Variants in NDUFB5 observed in about 807,000 individuals in gnomAD.
The protein encoded by NDUFB5 is NADH dehydrogenase [ubiquinone] 1 beta subcomplex subunit 5, mitochondrial.
Under a neutral mutation model 19.4 loss-of-function variants are expected in NDUFB5, and 19 were observed. The ratio of observed to expected loss-of-function variants is 0.98; its 90% confidence interval spans 0.68 to 1.43. The LOEUF is 1.43. NDUFB5 is among the 40% of genes most tolerant of loss of function. NDUFB5 has a pLI of 0.00. For missense variants in NDUFB5, 233 were observed against 236.5 expected (o/e 0.99, Z 0.10); for synonymous variants, 80 against 82.6 (o/e 0.97, Z 0.17).
rs1719683014 is a variant in NDUFB5, at chr3:179,626,792, A to G, written c.*2752A>G. ...GTGATCCACCCACCTTGGTCTCCCA[A>G]AGTGCTGGGATTACAGGTGTGAGCC... On this transcript the variant is annotated 3_prime_UTR_variant, in exon 6 of 6. Coordinates refer to ENST00000259037, the MANE Select transcript of NDUFB5 (RefSeq NM_002492.4). The G allele has an allele frequency of 2.6e-5, 4 of 152,114 alleles. No individual in the cohort carries two copies. Among genetic ancestry groups the G allele is most frequent in the African/African-American group, 9.7e-5 (4 of 41,394 alleles). 9.4% of individuals were successfully genotyped at this position (152,114 alleles called of 1,614,324 possible).
chr3:179,618,792 A>G (rs1019510794), intron 5 of NDUFB5, among the ~76,000 whole-genome samples: 4 of 152,082 alleles, frequency 2.6e-5, no homozygotes, highest in Non-Finnish European at 5.9e-5. Flanking sequence ...CAGAGGTTGC[A>G]GTGAGCCAAG....
At chr3:179,620,600 C>G (rs1443548889) in intron 5 of NDUFB5, among the ~76,000 whole-genome samples, 6 of 152,206 alleles carry the variant, frequency 3.9e-5, no homozygotes, top group East Asian at 3.9e-4. Context: ...GTTACTGTAG[C>G]CTTGTAGTAT....
rs750458055 is a variant in NDUFB5 at position 179,624,572 on chromosome 3, T to TATACACACACACACACACACACACAC, written c.*533_*534insTACACACACACACACACACACACACA. ...AACTACACACAGACACACAGACACG[T>TATACACACACACACACACACACACAC]ACACACACACACACACACACACACA... On this transcript the variant is annotated 3_prime_UTR_variant, in exon 6 of 6. Coordinates refer to ENST00000259037, the MANE Select transcript of NDUFB5 (RefSeq NM_002492.4). 1.2e-4 allele frequency: 15 copies of TATACACACACACACACACACACACAC among 128,388 alleles called. No individual in the cohort carries two copies. Among genetic ancestry groups the TATACACACACACACACACACACACAC allele is most frequent in the African/African-American group, 4.4e-4 (14 of 31,534 alleles). 8.0% of individuals were successfully genotyped at this position (128,388 alleles called of 1,614,324 possible).
At chr3:179,619,329 T>C (rs902390921) in intron 5 of NDUFB5, among the ~76,000 whole-genome samples, 6 of 151,792 alleles carry the variant, frequency 4.0e-5, no homozygotes, top group African/African-American at 1.2e-4. Flanking sequence ...TAGGTATATC[T>C]CCTAATGCTA....
In NDUFB5 at chr3:179,624,795, C is replaced by CTTTTTTTT. The variant is rs56727188; in HGVS notation, c.*769_*776dup. The CTTTTTTTT allele has an allele frequency of 2.1e-5, 2 of 97,270 alleles. No individual in the cohort carries two copies. The highest frequency in any genetic ancestry group is 4.3e-5 in the Non-Finnish European group (2 of 46,014). 6.0% of individuals were successfully genotyped at this position (97,270 alleles called of 1,614,324 possible). A position where few individuals can be genotyped will look rare whatever the true frequency, so the allele number is the denominator to read the frequency against. Reference sequence around the variant, plus strand: ...GCATTTTTTAACATTATTTTCTTTTCTTTTTTTTTTTTTTTTTTTTTGACG... The same window carrying CTTTTTTTT: ...GCATTTTTTAACATTATTTTCTTTTCTTTTTTTTTTTTTTTTTTTTTTTTTTTTTGACG... On this transcript the variant is annotated 3_prime_UTR_variant, in exon 6 of 6. Transcript: ENST00000259037.
In NDUFB5 at chr3:179,615,005, A is replaced by T; in HGVS notation, c.159A>T (p.Arg53Ser). ...PVRHSGDHGK[R>S]LFVIRPSRFY... The stretch of plus-strand genomic sequence containing the variant: ...GACACAGTGGAGACCATGGGAAAAG[A>T]CTATTTGTCATCAGACCTTCTAGAT... The change falls in exon 2 of 6, where the codon AGA (arginine) becomes AGT (serine). Residue 53 changes from arginine to serine, a missense_variant. Coordinates refer to ENST00000259037, the MANE Select transcript of NDUFB5 (RefSeq NM_002492.4). 2 of 1,610,316 alleles carry T rather than the reference A, an allele frequency of 1.2e-6. No individual in the cohort carries two copies.
chr3:179,607,736 T>C, intron 1 of NDUFB5: 1 of 702,048 alleles, frequency 1.4e-6, no homozygotes, highest in East Asian at 2.7e-5. Flanking sequence ...AAACAATAAC[T>C]CTCCATTCCC....
At chr3:179,612,322 G>GA (rs779443200) in intron 1 of NDUFB5, among the ~76,000 whole-genome samples, 3,584 of 117,186 alleles carry the variant, frequency 0.031, 98 homozygotes, top group African/African-American at 0.082. Context: ...CTTGTCTCTG[G>GA]AAAAAAAAAA....
At chr3:179,605,008 G>A in intron 1 of NDUFB5, 69 bp downstream of exon 1, 1 of 1,463,498 alleles carries the variant, frequency 6.8e-7, no homozygotes, top group Non-Finnish European at 9.0e-7. Flanking sequence ...ACGCTTCCAG[G>A]GTGACCTTGG....
At chr3:179,615,256 A>T (rs1719346418) in intron 2 of NDUFB5, 197 bp downstream of exon 2, 1 of 370,086 alleles carries the variant, frequency 2.7e-6, no homozygotes. Context: ...TTCCTTCTTC[A>T]CAAAAGGATT....
At position 179,624,139 on chromosome 3, in the gene NDUFB5, T is replaced by C; in HGVS notation, c.*99T>C. 9.0e-7 allele frequency: 1 copy of C among 1,117,020 alleles called. No individual in the cohort carries two copies. The highest frequency in any genetic ancestry group is 1.2e-6 in the Non-Finnish European group (1 of 807,006). The allele number at this position is 1,117,020 out of a possible 1,614,324, so 69.2% of individuals were successfully genotyped here. A position where few individuals can be genotyped will look rare whatever the true frequency, so the allele number is the denominator to read the frequency against. On this transcript the variant is annotated 3_prime_UTR_variant, in exon 6 of 6. Transcript: ENST00000259037. Reference sequence around the variant, plus strand: ...GCTCTCCGTGAAAAACAAAAGAGCCTCTGACATTACTGTCTCTCAGTGTTG... The same window carrying C: ...GCTCTCCGTGAAAAACAAAAGAGCCCCTGACATTACTGTCTCTCAGTGTTG...
intron 1 of NDUFB5, among the ~76,000 whole-genome samples, chr3:179,613,955 A>G (rs1719312571): frequency 1.3e-5 from 2 of 152,236 alleles, no homozygotes; most frequent in African/African-American, 2.4e-5. Flanking sequence ...GAGAGGGGAC[A>G]GCATTCCAGA....
At chr3:179,622,317 G>GT (rs201214626) in intron 5 of NDUFB5, among the ~76,000 whole-genome samples, 2,875 of 147,870 alleles carry the variant, frequency 0.019, 69 homozygotes, top group African/African-American at 0.058. Flanking sequence ...TTTTGTTTTT[G>GT]TTTTTTTTTT....
In NDUFB5 at chr3:179,617,038, T is replaced by G; in HGVS notation, c.336T>G (p.Tyr112Ter). The change falls in exon 4 of 6, where the codon TAT becomes TAG. Residue 112 changes from tyrosine to a stop codon, truncating the protein, a stop_gained. Coordinates refer to ENST00000259037, the MANE Select transcript of NDUFB5 (RefSeq NM_002492.4). LOFTEE classifies it high-confidence loss of function. ...GCTATGTCCCAGAACACTGGGAATA[T>G]TATAAGGTTTGTATAGGACATTGAC... Reference protein sequence around the residue: ...PEGYVPEHWEYYKHPISRWIA... With the variant: ...PEGYVPEHWE 1 of 1,607,800 alleles carries G rather than the reference T, an allele frequency of 6.2e-7. No homozygotes were observed. The highest frequency in any genetic ancestry group is 8.5e-7 in the Non-Finnish European group (1 of 1,174,778).
intron 2 of NDUFB5, chr3:179,615,560 T>C (rs748223119): frequency 4.3e-6 from 2 of 461,708 alleles, no homozygotes; most frequent in African/African-American, 4.0e-5. Context: ...CTCAAGGCTC[T>C]ATACGAACAA....
chr3:179,622,826 A>G (rs1719573745), intron 5 of NDUFB5, among the ~76,000 whole-genome samples: 1 of 152,200 alleles, frequency 6.6e-6, no homozygotes, highest in African/African-American at 2.4e-5. Context: ...CCTATGAAAA[A>G]CTATGTATTC....
intron 1 of NDUFB5, among the ~76,000 whole-genome samples, chr3:179,611,515 C>T (rs779113279): frequency 1.3e-5 from 2 of 151,844 alleles, no homozygotes; most frequent in Non-Finnish European, 1.5e-5. Flanking sequence ...TGGATTCAAG[C>T]GATTCTCTTG....
chr3:179,623,215 C>A (rs1260785472), intron 5 of NDUFB5, among the ~76,000 whole-genome samples: 5 of 152,202 alleles, frequency 3.3e-5, no homozygotes, highest in Admixed American at 1.3e-4. Context: ...TAACACCTGG[C>A]ACAGCATATG....
chr3:179,620,833 C>T lies in NDUFB5; in HGVS notation c.449+2312C>T, dbSNP rs138663322. Among the ~76,000 whole-genome samples, 4 of 152,246 alleles carry T rather than the reference C, an allele frequency of 2.6e-5. No individual in the cohort carries two copies. The East Asian group carries it at 7.7e-4, about 29-fold the overall frequency. ...ATTTCTGGAAGTGGCATTAATAAGC[C>T]AAATAGCACATGCTTTTAAACTTTG... On this transcript the variant is annotated intron_variant, in intron 5 of 5. Coordinates refer to ENST00000259037, the MANE Select transcript of NDUFB5 (RefSeq NM_002492.4).
Sources: gnomAD v4.1 joint callset for allele counts (sites outside exome capture counted in the v4.1 genomes callset) on GRCh38, gnomAD v4.1.1 for gene constraint, MANE v1.5 for transcripts, NCBI Gene and HGNC (gene_info 2026-07-23, HGNC 2026-07-21) for gene names.